The following CACNA1I variants were observed in gnomAD, a reference collection of about 807,000 sequenced individuals.
CACNA1I encodes the protein voltage-dependent T-type calcium channel subunit alpha-1I.
In CACNA1I, 74 loss-of-function variants were observed where a neutral mutation model predicts 201.6. The observed-to-expected ratio is 0.37, with a 90% CI of 0.30 to 0.45. The LOEUF is 0.45. Ranked by LOEUF, CACNA1I falls within the 20% of genes least tolerant of loss-of-function variation. CACNA1I has a pLI of 1.00. For missense variants in CACNA1I, 2,346 were observed against 3,138.1 expected (o/e 0.75, Z 6.03); for synonymous variants, 1,431 against 1,345.2 (o/e 1.06, Z -1.40).
At chr22:39,639,852 G>C (rs1483311121) in intron 5 of CACNA1I, among the ~76,000 whole-genome samples, 6 of 152,174 alleles carry the variant, frequency 3.9e-5, no homozygotes, top group African/African-American at 7.2e-5. Context: ...GTGCTACACT[G>C]TATTAACAAT....
intron 31 of CACNA1I, among the ~76,000 whole-genome samples, chr22:39,678,575 C>T (rs1035017073): frequency 6.6e-6 from 1 of 152,144 alleles, no homozygotes; most frequent in Non-Finnish European, 1.5e-5. Flanking sequence ...CAGAGGTAGG[C>T]CTGTTCTGCC....
chr22:39,677,934 AGCCCC>A lies in CACNA1I; in HGVS notation c.4934-50_4934-46del. 1 of 1,527,314 alleles carries A rather than the reference AGCCCC, an allele frequency of 6.5e-7. No homozygotes were observed. The highest frequency in any genetic ancestry group is 1.4e-5 in the African/African-American group (1 of 73,092). 94.6% of individuals were successfully genotyped at this position (1,527,314 alleles called of 1,614,324 possible). ...AGGCGGGAGGCACCAGGTCAGGGTG[AGCCCC>A]GCAGGCACTCCGCCATCGGGCAGGG... On this transcript the variant is annotated intron_variant, in intron 30 of 36. Transcript: ENST00000402142. The surrounding 1 kb of genome is among the most constrained non-coding windows in gnomAD (Gnocchi z 4.8).
At chr22:39,674,901 G>T (rs1935476312) in intron 29 of CACNA1I, among the ~76,000 whole-genome samples, 1 of 152,212 alleles carries the variant, frequency 6.6e-6, no homozygotes, top group African/African-American at 2.4e-5. Flanking sequence ...TAAGGACATG[G>T]GTGAGTTCTG....
chr22:39,678,865 A>G (rs1235712989), intron 31 of CACNA1I, among the ~76,000 whole-genome samples: 1 of 152,182 alleles, frequency 6.6e-6, no homozygotes, highest in East Asian at 1.9e-4. Flanking sequence ...GGAGGGTGAC[A>G]TGGGCAGGAG....
intron 17 of CACNA1I, 142 bp from the exon 18 acceptor site, chr22:39,662,634 A>T (rs538496389): frequency 8.4e-6 from 6 of 711,778 alleles, no homozygotes; most frequent in Admixed American, 2.3e-5. Flanking sequence ...GGCTCCTGGG[A>T]GAGAAGCCCT....
chr22:39,585,727 G>GTTTT lies in CACNA1I; in HGVS notation c.237-12407_237-12404dup, dbSNP rs34320968. 2.5e-3 allele frequency among the ~76,000 whole-genome samples: 206 copies of GTTTT among 83,926 alleles called. 9 individuals are homozygous for GTTTT. The highest frequency in any genetic ancestry group is 2.6e-3 in the African/African-American group (54 of 20,622). The allele number at this position is 83,926 out of a possible 152,430, so 55.1% of individuals were successfully genotyped here. A position where few individuals can be genotyped will look rare whatever the true frequency, so the allele number is the denominator to read the frequency against. On this transcript the variant is annotated intron_variant, in intron 1 of 36. Transcript: ENST00000402142. ...AAAAAAAAAAAAAAAAACTTTTAAAGTTTTTTTTTTTTTTTTTTTTGCAAT... is the reference window on the plus strand; with the variant it reads ...AAAAAAAAAAAAAAAAACTTTTAAAGTTTTTTTTTTTTTTTTTTTTTTTTGCAAT...
Position 39,646,891 on chromosome 22 carries a change from C to T in CACNA1I, c.1462+10C>T. On this transcript the variant is annotated intron_variant, in intron 8 of 36. Transcript: ENST00000402142. Reference sequence around the variant, plus strand: ...GAGCCCCGGCACTACCGTAAGTGGCCCTGCATCCGACGCGGCACTCAGGCA... The same window carrying T: ...GAGCCCCGGCACTACCGTAAGTGGCTCTGCATCCGACGCGGCACTCAGGCA... 6.8e-7 allele frequency: 1 copy of T among 1,478,732 alleles called. No homozygotes were observed. The highest frequency in any genetic ancestry group is 9.0e-7 in the Non-Finnish European group (1 of 1,116,992). The allele number at this position is 1,478,732 out of a possible 1,614,324, so 91.6% of individuals were successfully genotyped here.
rs556557800 is a variant in CACNA1I at position 39,646,730 on chromosome 22, G to C, written c.1311G>C (p.Glu437Asp). 3 of 1,598,372 alleles carry C rather than the reference G, an allele frequency of 1.9e-6. No individual in the cohort carries two copies. The highest frequency in any genetic ancestry group is 2.6e-6 in the Non-Finnish European group (3 of 1,172,848). Residue 437 changes from glutamate (E) to aspartate (D), a missense_variant, in exon 8 of 37, where the codon GAG becomes GAC. Coordinates refer to ENST00000402142, the MANE Select transcript of CACNA1I (RefSeq NM_021096.4). ...CCGAGCCTGGCGACTGCTACGAGGA[G>C]ATCTTCCAGTATGTCTGCCACATCC... ...SYAEPGDCYE[E>D]IFQYVCHILR... is the part of the protein sequence containing the mutation.
At chr22:39,632,651 C>G (rs1212375502) in intron 4 of CACNA1I, among the ~76,000 whole-genome samples, 1 of 152,204 alleles carries the variant, frequency 6.6e-6, no homozygotes, top group Admixed American at 6.5e-5. Context: ...GTGCCCAACG[C>G]CATGCCTGGC....
rs982724243 is a variant in CACNA1I, at chr22:39,634,648, A to T, written c.664A>T (p.Ile222Phe). The change falls in exon 5 of 37, where the codon ATC becomes TTC. Residue 222 changes from isoleucine (I) to phenylalanine (F), a missense_variant. Transcript: ENST00000402142. ...GCTGCTCTGCTTCTTTGTCTTCTTC[A>T]TCTTTGGCATCATAGGTGTGCAGCT... The part of the protein sequence containing the change: ...VLLLCFFVFF[I>F]FGIIGVQLWA... 1.2e-6 allele frequency: 2 copies of T among 1,613,692 alleles called. No individual in the cohort carries two copies. The highest frequency in any genetic ancestry group is 2.7e-5 in the African/African-American group (2 of 74,826).
intron 4 of CACNA1I, among the ~76,000 whole-genome samples, chr22:39,625,675 G>C (rs1212451614): frequency 6.6e-6 from 1 of 151,914 alleles, no homozygotes; most frequent in African/African-American, 2.4e-5. Context: ...TGGATAAAGA[G>C]AGGAAGACAG....
At chr22:39,583,027 CCCAACCAT>C (rs1279934909) in intron 1 of CACNA1I, among the ~76,000 whole-genome samples, 1 of 120,040 alleles carries the variant, frequency 8.3e-6, no homozygotes. Flanking sequence ...CATCCAAGCA[CCCAACCAT>C]CCATCCATCC....
intron 1 of CACNA1I, among the ~76,000 whole-genome samples, chr22:39,571,381 C>T (rs1050118300): frequency 6.6e-5 from 10 of 150,510 alleles, no homozygotes; most frequent in South Asian, 2.1e-4. Context: ...GCGTGGGCAG[C>T]GGGGCAGCCG....
intron 10 of CACNA1I, chr22:39,656,538 A>G: frequency 2.0e-6 from 1 of 511,306 alleles, no homozygotes. Context: ...CCAGAGCACG[A>G]GCTTCTCAAA....
Position 39,679,325 on chromosome 22 carries a change from G to A in CACNA1I, c.5274G>A (p.Leu1758=). ...AELELEMAHG[L]GPGPRLPTGS... ...TCGAGCTGGAGATGGCCCATGGCCT[G>A]GGCCCTGGCCCGAGGCTGCCTACCG... The change falls in exon 32 of 37, where the codon CTG becomes CTA. Residue 1758 remains leucine (L), a synonymous_variant. Coordinates refer to ENST00000402142, the MANE Select transcript of CACNA1I (RefSeq NM_021096.4). 1 of 1,551,772 alleles carries A rather than the reference G, an allele frequency of 6.4e-7. No homozygotes were observed. Among genetic ancestry groups the A allele is most frequent in the Non-Finnish European group, 8.7e-7 (1 of 1,148,334 alleles).
intron 10 of CACNA1I, among the ~76,000 whole-genome samples, chr22:39,653,126 G>A (rs549400902): frequency 1.0e-5 from 1 of 95,638 alleles, no homozygotes; most frequent in Non-Finnish European, 1.9e-5. Flanking sequence ...CATTGTGGGT[G>A]CACGGAGCCC....
Position 39,649,613 on chromosome 22 carries a change from C to A in CACNA1I, c.1680C>A (p.Asp560Glu). ...GCTGCCCTTGCTGCCAGCATGAGGA[C>A]GGCCGGCGGCCCTCGGGCCTGGGCA... is the stretch of plus-strand genomic sequence containing the variant. ...PASCPCCQHE[D>E]GRRPSGLGST... is the part of the protein sequence containing the mutation. The change falls in exon 10 of 37, where the codon GAC becomes GAA. Residue 560 changes from aspartate to glutamate, a missense_variant. Asp to Glu is a conservative substitution (Grantham distance 45). Around this residue, in one of 13 missense-constraint regions of CACNA1I, gnomAD observed 312 missense variants for 331.5 expected, o/e 0.94. Transcript: ENST00000402142. This position sits in a 1 kb window ranked among gnomAD's most constrained non-coding sequence, Gnocchi z 7.3. 2 of 1,535,672 alleles carry A rather than the reference C, an allele frequency of 1.3e-6. No individual in the cohort carries two copies. Among genetic ancestry groups the A allele is most frequent in the African/African-American group, 2.7e-5 (2 of 72,896 alleles).
Position 39,666,087 on chromosome 22 carries a change from G to T in CACNA1I, c.4104+81G>T, listed in dbSNP as rs1935185739. 2.0e-6 allele frequency: 3 copies of T among 1,500,906 alleles called. No individual in the cohort carries two copies. The highest frequency in any genetic ancestry group is 2.0e-5 in the Admixed American group (1 of 50,930). 93.0% of individuals were successfully genotyped at this position (1,500,906 alleles called of 1,614,324 possible). On this transcript the variant is annotated intron_variant, in intron 23 of 36. Coordinates refer to ENST00000402142, the MANE Select transcript of CACNA1I (RefSeq NM_021096.4). The surrounding 1 kb of genome is among the most constrained non-coding windows in gnomAD (Gnocchi z 4.1). ...GCTCTGGGAATCACAGACCTGGCTT[G>T]TCTTGCACTGCCAGGACTGACACTG...
Position 39,648,382 on chromosome 22 carries a change from G to A in CACNA1I, c.1567+456G>A, listed in dbSNP as rs1430048153. 6.6e-6 allele frequency among the ~76,000 whole-genome samples: 1 copy of A among 152,140 alleles called. No homozygotes were observed. The highest frequency in any genetic ancestry group is 1.5e-5 in the Non-Finnish European group (1 of 68,020). Reference sequence around the variant, plus strand: ...AAGTGTTCACTCCAACGGGCTTCCTGCGGCCGCCCAGCCCCCTCTCCTGGC... The same window carrying A: ...AAGTGTTCACTCCAACGGGCTTCCTACGGCCGCCCAGCCCCCTCTCCTGGC... On this transcript the variant is annotated intron_variant, in intron 9 of 36. Coordinates refer to ENST00000402142, the MANE Select transcript of CACNA1I (RefSeq NM_021096.4). The surrounding 1 kb of genome is among the most constrained non-coding windows in gnomAD (Gnocchi z 5.4).
Sources: allele counts gnomAD v4.1 joint callset (sites outside exome capture counted in the v4.1 genomes callset), GRCh38; gene constraint gnomAD v4.1.1; regional missense constraint gnomAD v4.1.1; non-coding constraint Gnocchi (gnomAD v3.1); transcripts MANE v1.5; gene names NCBI Gene and HGNC (gene_info 2026-07-23, HGNC 2026-07-21).